MEF2A: variants seen among roughly 807,000 people sequenced by gnomAD.
MEF2A encodes the protein myocyte-specific enhancer factor 2A.
A neutral mutation model predicts 55.8 loss-of-function variants in MEF2A; 28 were observed. That is an observed-to-expected ratio of 0.50 (90% CI 0.37 to 0.69). The LOEUF (loss-of-function observed/expected upper bound fraction) is 0.69. Among genes scored for constraint, MEF2A ranks in the 30% least tolerant of loss-of-function variants. The pLI is 0.00. For synonymous variants in MEF2A, 239 were observed against 227.1 expected (o/e 1.05, Z -0.47); for missense variants, 528 against 626.2 (o/e 0.84, Z 1.67).
chr15:99,687,630 A>G (rs12591308), intron 7 of MEF2A, among the ~76,000 whole-genome samples: 51,770 of 152,074 alleles, frequency 0.34, 10,768 homozygotes, highest in Middle Eastern at 0.5. Context: ...CTCTCATTTC[A>G]GACTGCTCAG....
chr15:99,574,345 T>TG lies in MEF2A; in HGVS notation c.-225+8247dup, dbSNP rs1201082448. 2.0e-5 allele frequency among the ~76,000 whole-genome samples: 3 copies of TG among 152,158 alleles called. No homozygotes were observed. The East Asian group carries it at 5.8e-4, about 29-fold the overall frequency. The stretch of plus-strand genomic sequence containing the variant: ...TGGAAGACAATTTTTCCATGAATGG[T>TG]GGGGGGAGGGGATGGTTTCAAAATG... On this transcript the variant is annotated intron_variant, in intron 1 of 11. Transcript: ENST00000557942.
intron 2 of MEF2A, among the ~76,000 whole-genome samples, 199 bp from the exon 3 acceptor site, chr15:99,632,779 A>T (rs952899037): frequency 1.3e-5 from 2 of 152,200 alleles, no homozygotes; most frequent in Non-Finnish European, 2.9e-5. Context: ...TTTAACCAGA[A>T]CTAGAGACAC....
At chr15:99,608,413 A>C (rs1469047347) in intron 2 of MEF2A, among the ~76,000 whole-genome samples, 1 of 152,206 alleles carries the variant, frequency 6.6e-6, no homozygotes, top group Non-Finnish European at 1.5e-5. Flanking sequence ...CTCTAATCTA[A>C]AAACACTGTG....
At chr15:99,694,061 C>A (rs931863311) in intron 8 of MEF2A, among the ~76,000 whole-genome samples, 5 of 152,108 alleles carry the variant, frequency 3.3e-5, no homozygotes, top group Non-Finnish European at 7.4e-5. Context: ...AACCTTGTGT[C>A]TTTTTCTATT....
chr15:99,586,786 T>C (rs1304233045), intron 1 of MEF2A, among the ~76,000 whole-genome samples: 2 of 152,330 alleles, frequency 1.3e-5, no homozygotes, highest in South Asian at 2.1e-4. Flanking sequence ...AGAAGTTTTA[T>C]AGTTTAGCTT....
chr15:99,670,479 G>T (rs2050650364), intron 4 of MEF2A, among the ~76,000 whole-genome samples: 1 of 152,046 alleles, frequency 6.6e-6, no homozygotes, highest in South Asian at 2.1e-4. Context: ...GCGTGGTGGC[G>T]GGCGCTTGTA....
At chr15:99,670,371 G>T (rs557312659) in intron 4 of MEF2A, among the ~76,000 whole-genome samples, 1 of 152,316 alleles carries the variant, frequency 6.6e-6, no homozygotes, top group African/African-American at 2.4e-5. Flanking sequence ...CACTTTGGGA[G>T]GCTGAGGTGG....
Position 99,710,485 on chromosome 15 carries a change from C to T in MEF2A, c.1010-149C>T, listed in dbSNP as rs551507157. 4.8e-4 allele frequency: 410 copies of T among 849,286 alleles called. 1 individual carries two copies. The highest frequency in any genetic ancestry group is 7.7e-4 in the East Asian group (26 of 33,566). 52.6% of individuals were successfully genotyped at this position (849,286 alleles called of 1,614,324 possible). ...CTCAAACTCCTGACCTCAAGTGATC[C>T]GCCCATCTTGGCCTCCCAAAGTGCT... is the stretch of plus-strand genomic sequence containing the variant. On this transcript the variant is annotated intron_variant, in intron 10 of 11. Transcript: ENST00000557942.
intron 2 of MEF2A, among the ~76,000 whole-genome samples, chr15:99,617,275 T>TTTG (rs1555459496): frequency 2.7e-5 from 4 of 147,430 alleles, no homozygotes; most frequent in Non-Finnish European, 4.5e-5. Flanking sequence ...TTTTTTTTTT[T>TTTG]GTATGGTCTG....
rs146953819 is a variant in MEF2A at position 99,629,623 on chromosome 15, G to A, written c.-142-3355G>A. 6.6e-3 allele frequency among the ~76,000 whole-genome samples: 1,001 copies of A among 152,192 alleles called. 10 individuals carry two copies. The highest frequency in any genetic ancestry group is 0.023 in the African/African-American group (951 of 41,526). Reference sequence around the variant, plus strand: ...TACTGATAACGCCTGGTACTGTGGCGTGCCTGGGCATCTAACAAAGGCAAA... The same window carrying A: ...TACTGATAACGCCTGGTACTGTGGCATGCCTGGGCATCTAACAAAGGCAAA... On this transcript the variant is annotated intron_variant, in intron 2 of 11. Transcript: ENST00000557942.
chr15:99,637,218 T>G (rs1352222501), intron 3 of MEF2A, among the ~76,000 whole-genome samples: 2 of 151,982 alleles, frequency 1.3e-5, no homozygotes, highest in Non-Finnish European at 2.9e-5. Flanking sequence ...ACAAAAAACC[T>G]ACTGGAATTT....
chr15:99,697,578 A>G (rs1305535861), intron 8 of MEF2A, among the ~76,000 whole-genome samples: 1 of 152,160 alleles, frequency 6.6e-6, no homozygotes, highest in Non-Finnish European at 1.5e-5. Context: ...GAAAGAAATG[A>G]AAGAAGACCT....
intron 11 of MEF2A, 108 bp downstream of exon 11, chr15:99,710,868 A>AC: frequency 2.4e-6 from 3 of 1,268,954 alleles, no homozygotes; most frequent in South Asian, 1.5e-5. Flanking sequence ...GGAATCCTGT[A>AC]ATGATTCCTT....
In MEF2A at chr15:99,619,148, C is replaced by T. The variant is rs140733843; in HGVS notation, c.-142-13830C>T. Among the ~76,000 whole-genome samples the T allele has an allele frequency of 1.2e-4, 18 of 152,246 alleles. No homozygotes were observed. The East Asian group carries it at 3.5e-3, about 29-fold the overall frequency. ...GTCTCTAGGGTTTATAGTCAACGCT[C>T]CTTTGGCAGCAGTGAGATGAGGATT... On this transcript the variant is annotated intron_variant, in intron 2 of 11. Coordinates refer to ENST00000557942, the MANE Select transcript of MEF2A (RefSeq NM_001319206.4).
At chr15:99,663,927 G>C (rs2049113804) in intron 4 of MEF2A, among the ~76,000 whole-genome samples, 1 of 152,136 alleles carries the variant, frequency 6.6e-6, no homozygotes, top group African/African-American at 2.4e-5. Flanking sequence ...CAGCCAAGTG[G>C]TAACATATAC....
At chr15:99,654,761 T>C (rs1286293051) in intron 4 of MEF2A, among the ~76,000 whole-genome samples, 2 of 152,286 alleles carry the variant, frequency 1.3e-5, no homozygotes, top group East Asian at 3.9e-4. Context: ...CACAGCATCA[T>C]ATAAAGCAGC....
chr15:99,661,493 C>T (rs1224268940), intron 4 of MEF2A, among the ~76,000 whole-genome samples: 4 of 149,258 alleles, frequency 2.7e-5, no homozygotes, highest in Non-Finnish European at 4.4e-5. Context: ...ACATTGACTA[C>T]TTATAAAATA....
intron 8 of MEF2A, among the ~76,000 whole-genome samples, chr15:99,699,275 C>T (rs2057003996): frequency 6.6e-6 from 1 of 152,082 alleles, no homozygotes; most frequent in African/African-American, 2.4e-5. Flanking sequence ...GTTTATTCAC[C>T]CAGCAATACA....
intron 1 of MEF2A, among the ~76,000 whole-genome samples, chr15:99,584,119 T>A (rs1705320491): frequency 6.6e-6 from 1 of 152,100 alleles, no homozygotes; most frequent in Admixed American, 6.6e-5. Flanking sequence ...AAATATGGTA[T>A]AAAAGATAAA....
Sources: gnomAD v4.1 joint callset for allele counts (sites outside exome capture counted in the v4.1 genomes callset) on GRCh38, gnomAD v4.1.1 for gene constraint, MANE v1.5 for transcripts, NCBI Gene and HGNC (gene_info 2026-07-23, HGNC 2026-07-21) for gene names.